The following CECR2 variants were observed in gnomAD, a reference collection of about 807,000 sequenced individuals.
CECR2 encodes chromatin remodeling regulator CECR2.
In CECR2, 30 loss-of-function variants were observed where a neutral mutation model predicts 154.5. The ratio of observed to expected loss-of-function variants is 0.19; its 90% CI spans 0.15 to 0.26. The LOEUF (loss-of-function observed/expected upper bound fraction) is 0.26, where lower values mean the gene tolerates loss of function less well. Ranked by LOEUF, CECR2 falls within the 10% of genes least tolerant of loss-of-function variation. The pLI is 1.00. For synonymous variants in CECR2, 725 were observed against 683.7 expected, an observed-to-expected ratio of 1.06 and a Z score of -0.94; for missense variants, 1,743 against 1,829.3, an observed-to-expected ratio of 0.95 and a Z score of 0.86.
At chr22:17,532,666 A>G (rs1276893679) in intron 9 of CECR2, among the ~76,000 whole-genome samples, 1 of 147,444 alleles carries the variant, frequency 6.8e-6, no homozygotes, top group African/African-American at 2.5e-5. Context: ...ATTATAGCTA[A>G]GAAATTCACC....
chr22:17,469,593 G>GT (rs1156329348), intron 1 of CECR2, among the ~76,000 whole-genome samples: 7,283 of 125,286 alleles, frequency 0.058, 459 homozygotes, highest in African/African-American at 0.16. Flanking sequence ...TGATAACATT[G>GT]TTTTTTTTTT....
Position 17,505,355 on chromosome 22 carries a change from T to A in CECR2, c.870+339T>A, listed in dbSNP as rs921613237. 2.7e-5 allele frequency among the ~76,000 whole-genome samples: 4 copies of A among 150,750 alleles called. No individual in the cohort carries two copies. The East Asian group carries it at 5.9e-4, about 22-fold the overall frequency. On this transcript the variant is annotated intron_variant, in intron 7 of 18. Coordinates refer to ENST00000262608, the MANE Select transcript of CECR2 (RefSeq NM_001290047.2). ...TGTAATGCTTTAAAAAAAAAAAAAA[T>A]CTTGTGGGTTTGTCTTTGTCCTTGT...
At chr22:17,388,568 G>C (rs1431299156) in intron 1 of CECR2, among the ~76,000 whole-genome samples, 1 of 152,208 alleles carries the variant, frequency 6.6e-6, no homozygotes, top group Non-Finnish European at 1.5e-5. Flanking sequence ...GCGGGTTCTT[G>C]AGAGTATATG....
At chr22:17,493,206 A>G (rs2055561972) in intron 2 of CECR2, among the ~76,000 whole-genome samples, 1 of 152,058 alleles carries the variant, frequency 6.6e-6, no homozygotes, top group South Asian at 2.1e-4. Flanking sequence ...TCCTGTCCTC[A>G]AGTGATCTGC....
At chr22:17,397,658 C>T (rs1325722104) in intron 1 of CECR2, among the ~76,000 whole-genome samples, 5 of 152,104 alleles carry the variant, frequency 3.3e-5, no homozygotes, top group East Asian at 3.9e-4. Flanking sequence ...CCACCACGCT[C>T]GGCTAATTTT....
chr22:17,363,103 G>A (rs775793083), intron 1 of CECR2, among the ~76,000 whole-genome samples: 95 of 149,874 alleles, frequency 6.3e-4, no homozygotes, highest in Non-Finnish European at 1.1e-3. Context: ...AGGCTAGAGT[G>A]CAGCGGCACC....
chr22:17,517,437 G>A (rs190498979), intron 8 of CECR2, among the ~76,000 whole-genome samples: 13 of 152,228 alleles, frequency 8.5e-5, no homozygotes, highest in South Asian at 6.2e-4. Flanking sequence ...GAGGAATACC[G>A]GTATCATTTC....
At chr22:17,464,890 T>C (rs2055002300) in intron 1 of CECR2, among the ~76,000 whole-genome samples, 1 of 152,202 alleles carries the variant, frequency 6.6e-6, no homozygotes, top group Non-Finnish European at 1.5e-5. Context: ...CTTCTGATAG[T>C]ATTTTCTGAA....
At chr22:17,396,257 A>AAAAC (rs2053808805) in intron 1 of CECR2, among the ~76,000 whole-genome samples, 1 of 138,540 alleles carries the variant, frequency 7.2e-6, no homozygotes, top group South Asian at 2.3e-4. Flanking sequence ...AAAAAAAAAA[A>AAAAC]AACAAGGCCA....
intron 1 of CECR2, among the ~76,000 whole-genome samples, chr22:17,456,006 AT>A (rs2146715046): frequency 6.6e-6 from 1 of 152,274 alleles, no homozygotes; most frequent in Non-Finnish European, 1.5e-5. Flanking sequence ...CAGATCCAAA[AT>A]CATGTGGGTT....
intron 1 of CECR2, among the ~76,000 whole-genome samples, chr22:17,460,167 T>C (rs1255520710): frequency 3.3e-5 from 5 of 152,178 alleles, no homozygotes; most frequent in Non-Finnish European, 7.3e-5. Flanking sequence ...CTGTATACAC[T>C]TGCAACTTTG....
intron 1 of CECR2, among the ~76,000 whole-genome samples, chr22:17,415,787 T>C (rs2054148592): frequency 6.6e-6 from 1 of 152,230 alleles, no homozygotes; most frequent in Non-Finnish European, 1.5e-5. Context: ...GCAATTTTGG[T>C]TTATCTGTTC....
intron 1 of CECR2, among the ~76,000 whole-genome samples, chr22:17,429,000 A>G (rs576194340): frequency 2.0e-5 from 3 of 152,116 alleles, no homozygotes; most frequent in East Asian, 1.9e-4. Context: ...GTGTGAGTCT[A>G]TTGTTTTTCA....
At chr22:17,410,885 G>C (rs1281078128) in intron 1 of CECR2, among the ~76,000 whole-genome samples, 5 of 152,206 alleles carry the variant, frequency 3.3e-5, no homozygotes, top group Non-Finnish European at 7.3e-5. Context: ...TAGAGCTACA[G>C]AAGGTAAAAG....
intron 1 of CECR2, among the ~76,000 whole-genome samples, chr22:17,411,523 A>G (rs2054068056): frequency 6.6e-6 from 1 of 152,190 alleles, no homozygotes; most frequent in South Asian, 2.1e-4. Flanking sequence ...GCTGGGTCGG[A>G]TAGATTTGGC....
At chr22:17,460,384 A>G (rs1342127348) in intron 1 of CECR2, among the ~76,000 whole-genome samples, 1 of 151,902 alleles carries the variant, frequency 6.6e-6, no homozygotes, top group Non-Finnish European at 1.5e-5. Context: ...TAAGTTTTCT[A>G]TTTTCAGTAG....
chr22:17,418,038 T>C (rs1023325999), intron 1 of CECR2, among the ~76,000 whole-genome samples: 2 of 152,192 alleles, frequency 1.3e-5, no homozygotes, highest in South Asian at 4.1e-4. Flanking sequence ...ATACAATTAA[T>C]TACACAGATT....
chr22:17,520,187 C>A (rs2056132586), intron 8 of CECR2, among the ~76,000 whole-genome samples: 1 of 152,160 alleles, frequency 6.6e-6, no homozygotes, highest in Non-Finnish European at 1.5e-5. Context: ...ATTTAATGTA[C>A]CCTGTACTGA....
intron 1 of CECR2, among the ~76,000 whole-genome samples, chr22:17,446,772 A>G (rs1393975832): frequency 1.3e-5 from 2 of 152,096 alleles, no homozygotes; most frequent in Non-Finnish European, 2.9e-5. Flanking sequence ...CAGCAGCAAG[A>G]TTTATTATGA....
Sources: allele counts gnomAD v4.1 joint callset (sites outside exome capture counted in the v4.1 genomes callset), GRCh38; gene constraint gnomAD v4.1.1; transcripts MANE v1.5; gene names NCBI Gene and HGNC (gene_info 2026-07-23, HGNC 2026-07-21).